Variants in LRRC1 observed in about 807,000 individuals in gnomAD.
LRRC1 encodes the protein leucine-rich repeat-containing protein 1.
LRRC1 carries 28 observed loss-of-function variants against 69.9 expected under a neutral mutation model. The observed-to-expected ratio is 0.40, with a 90% CI of 0.30 to 0.55. The LOEUF is 0.55. Among genes scored for constraint, LRRC1 ranks in the 20% least tolerant of loss-of-function variants. LRRC1 has a pLI of 0.47. For missense variants in LRRC1, 498 were observed against 609.0 expected (o/e 0.82, Z 1.92); for synonymous variants, 236 against 240.2 (o/e 0.98, Z 0.16).
intron 1 of LRRC1, among the ~76,000 whole-genome samples, chr6:53,796,586 T>C (rs1263358499): frequency 1.3e-5 from 2 of 152,234 alleles, no homozygotes; most frequent in African/African-American, 2.4e-5. Flanking sequence ...TCTCCAGCGC[T>C]GATGGAGCAT....
At chr6:53,872,752 CTTTT>C (rs537186693) in intron 2 of LRRC1, among the ~76,000 whole-genome samples, 1 of 106,404 alleles carries the variant, frequency 9.4e-6, no homozygotes, top group Non-Finnish European at 1.9e-5. Flanking sequence ...TTTCTTTTCT[CTTTT>C]TTTTTTTTTT....
intron 1 of LRRC1, among the ~76,000 whole-genome samples, chr6:53,830,195 C>T (rs757751833): frequency 2.6e-5 from 4 of 152,186 alleles, no homozygotes; most frequent in Non-Finnish European, 5.9e-5. Flanking sequence ...CCACATCTTA[C>T]GTAGGTTGTT....
At chr6:53,905,218 C>T (rs2127438672) in intron 10 of LRRC1, 1 of 152,078 alleles carries the variant, frequency 6.6e-6, no homozygotes, top group Non-Finnish European at 1.5e-5. Flanking sequence ...CCTGTAGTCC[C>T]AGCTACTCGG....
At position 53,922,767 on chromosome 6, in the gene LRRC1, A is replaced by G. The variant is rs1768777120; in HGVS notation, c.1549A>G (p.Ile517Val). The G allele has an allele frequency of 6.2e-7, 1 of 1,614,046 alleles. No individual in the cohort carries two copies. Among genetic ancestry groups the G allele is most frequent in the Non-Finnish European group, 8.5e-7 (1 of 1,179,934 alleles). The change falls in exon 14 of 14, where the codon ATT (isoleucine) becomes GTT (valine). Residue 517 changes from isoleucine to valine, a missense_variant. Coordinates refer to ENST00000370888, the MANE Select transcript of LRRC1 (RefSeq NM_018214.5). ...AAACAAAAACGAGGTCAATCATGCC[A>G]TTGACCGAGTGACCACTTCTGTGTA... ...DSNKNEVNHA[I>V]DRVTTSV is the part of the protein sequence containing the mutation.
At chr6:53,910,755 A>G (rs1768381918) in intron 10 of LRRC1, among the ~76,000 whole-genome samples, 1 of 152,252 alleles carries the variant, frequency 6.6e-6, no homozygotes, top group Admixed American at 6.5e-5. Flanking sequence ...ACCACAAAAC[A>G]TATGACTGAG....
At chr6:53,844,149 C>T (rs1765868951) in intron 2 of LRRC1, among the ~76,000 whole-genome samples, 1 of 152,128 alleles carries the variant, frequency 6.6e-6, no homozygotes, top group Non-Finnish European at 1.5e-5. Context: ...AGAAACTAGC[C>T]TGTATAATAC....
intron 2 of LRRC1, among the ~76,000 whole-genome samples, chr6:53,858,025 A>G (rs1283355108): frequency 6.6e-6 from 1 of 152,172 alleles, no homozygotes; most frequent in East Asian, 1.9e-4. Flanking sequence ...CCATCCAGGC[A>G]TTGCTGTTGC....
intron 2 of LRRC1, among the ~76,000 whole-genome samples, chr6:53,853,319 C>T (rs1277417917): frequency 7.1e-6 from 1 of 141,638 alleles, no homozygotes; most frequent in African/African-American, 2.7e-5. Flanking sequence ...AAGTTTCGCT[C>T]TGTTGCCCAG....
At chr6:53,832,660 G>A (rs1260446894) in intron 1 of LRRC1, among the ~76,000 whole-genome samples, 2 of 152,016 alleles carry the variant, frequency 1.3e-5, no homozygotes, top group Admixed American at 6.5e-5. Flanking sequence ...AGTTTTACTT[G>A]ATGATACATT....
intron 1 of LRRC1, among the ~76,000 whole-genome samples, chr6:53,818,364 T>G (rs1269177690): frequency 6.6e-6 from 1 of 152,164 alleles, no homozygotes; most frequent in East Asian, 1.9e-4. Context: ...AATGGAAGGA[T>G]TTTTATATCA....
intron 2 of LRRC1, among the ~76,000 whole-genome samples, chr6:53,843,699 T>C (rs915973497): frequency 5.3e-5 from 8 of 152,128 alleles, no homozygotes; most frequent in African/African-American, 1.9e-4. Context: ...CCAAAAGCAG[T>C]GGCACCAAGC....
chr6:53,796,617 G>GTT (rs1367712371), intron 1 of LRRC1, among the ~76,000 whole-genome samples: 2 of 152,164 alleles, frequency 1.3e-5, no homozygotes, highest in African/African-American at 4.8e-5. Context: ...AGAACTGTGT[G>GTT]TTTTTCTCAA....
intron 1 of LRRC1, among the ~76,000 whole-genome samples, chr6:53,809,194 G>T (rs1180234911): frequency 1.3e-5 from 2 of 152,158 alleles, no homozygotes; most frequent in Non-Finnish European, 2.9e-5. Context: ...AAGTGATTAT[G>T]AGGAAATCAT....
chr6:53,863,106 G>A (rs1581883002), intron 2 of LRRC1, among the ~76,000 whole-genome samples: 1 of 152,290 alleles, frequency 6.6e-6, no homozygotes, highest in Middle Eastern at 3.4e-3. Context: ...CAGCCTGTCA[G>A]CATCTCTTTT....
At chr6:53,919,779 G>GCACC (rs1562075962) in intron 12 of LRRC1, 109 bp downstream of exon 12, 8 of 1,002,866 alleles carry the variant, frequency 8.0e-6, no homozygotes, top group Non-Finnish European at 1.1e-5. Flanking sequence ...TATCCAGTCT[G>GCACC]CACCTAGAGC....
intron 1 of LRRC1, among the ~76,000 whole-genome samples, chr6:53,840,239 A>T (rs1326540550): frequency 6.6e-6 from 1 of 152,098 alleles, no homozygotes; most frequent in Non-Finnish European, 1.5e-5. Context: ...TACTTAATTG[A>T]TAGTTTGGCT....
intron 2 of LRRC1, among the ~76,000 whole-genome samples, chr6:53,873,192 C>T (rs1281336684): frequency 6.6e-6 from 1 of 151,516 alleles, no homozygotes. Context: ...TATTCTTAGG[C>T]ATTTTATTTT....
chr6:53,795,526 C>T (rs563947262), intron 1 of LRRC1, 111 bp downstream of exon 1: 48 of 1,053,756 alleles, frequency 4.6e-5, no homozygotes, highest in Non-Finnish European at 5.9e-5. Flanking sequence ...AGGAACCTTC[C>T]CTCTTTTATG....
intron 5 of LRRC1, 49 bp from the exon 6 acceptor site, chr6:53,896,780 A>C: frequency 8.1e-7 from 1 of 1,232,320 alleles, no homozygotes; most frequent in Non-Finnish European, 1.2e-6. Flanking sequence ...TATATTGCTC[A>C]GCATTTCTAA....
Sources: gnomAD v4.1 joint callset for allele counts (sites outside exome capture counted in the v4.1 genomes callset) on GRCh38, gnomAD v4.1.1 for gene constraint, MANE v1.5 for transcripts, NCBI Gene and HGNC (gene_info 2026-07-23, HGNC 2026-07-21) for gene names.